Variants in TOM1L1 observed in about 807,000 individuals in gnomAD.
The protein encoded by TOM1L1 is target of myb1 like 1 membrane trafficking protein.
In TOM1L1, 64 loss-of-function variants were observed where a neutral mutation model predicts 63.4. The observed-to-expected ratio is 1.01, with a 90% CI of 0.83 to 1.24. The LOEUF (loss-of-function observed/expected upper bound fraction) is 1.24. TOM1L1 is among the 50% of genes most tolerant of loss of function. The probability of loss-of-function intolerance (pLI) is 0.00; values close to 1 mark genes in which losing one functional copy is unlikely to be tolerated. For synonymous variants in TOM1L1, 166 were observed against 194.4 expected, an observed-to-expected ratio of 0.85 and a Z score of 1.22; for missense variants, 536 against 567.0, an observed-to-expected ratio of 0.95 and a Z score of 0.55.
Position 54,928,122 on chromosome 17 carries a change from G to T in TOM1L1, c.721-1951G>T, listed in dbSNP as rs192812168. Among the ~76,000 whole-genome samples the T allele has an allele frequency of 1.9e-4, 29 of 152,172 alleles. No individual in the cohort carries two copies. In the East Asian group the frequency reaches 5.2e-3, roughly 27 times the overall value. ...GGAAAAGTTCTCATTCATTACGGGG[G>T]TTATATTAAATGCCATTCTTAATTC... On this transcript the variant is annotated intron_variant, in intron 7 of 15. Coordinates refer to ENST00000575882, the MANE Select transcript of TOM1L1 (RefSeq NM_005486.3).
At chr17:54,959,751 G>C (rs2077064396) in intron 14 of TOM1L1, among the ~76,000 whole-genome samples, 1 of 151,656 alleles carries the variant, frequency 6.6e-6, no homozygotes, top group Non-Finnish European at 1.5e-5. Flanking sequence ...CTGAGTACCT[G>C]GGACTACAGG....
chr17:54,939,752 G>T (rs905454121), intron 11 of TOM1L1, among the ~76,000 whole-genome samples: 1 of 152,020 alleles, frequency 6.6e-6, no homozygotes, highest in Non-Finnish European at 1.5e-5. Context: ...TTGTAGAGAT[G>T]GGGTCTCGCT....
At chr17:54,907,244 A>G (rs1170331459) in intron 3 of TOM1L1, among the ~76,000 whole-genome samples, 3 of 150,610 alleles carry the variant, frequency 2.0e-5, no homozygotes, top group Non-Finnish European at 2.9e-5. Context: ...GCACTTCTGT[A>G]GAAATCCCAG....
intron 7 of TOM1L1, among the ~76,000 whole-genome samples, chr17:54,919,985 GATTT>G (rs377199384): frequency 6.6e-5 from 10 of 150,962 alleles, no homozygotes; most frequent in South Asian, 2.1e-4. Context: ...GTTTTTTATT[GATTT>G]ATTTATTTAT....
At chr17:54,910,134 T>C (rs930919558) in intron 3 of TOM1L1, among the ~76,000 whole-genome samples, 8 of 152,186 alleles carry the variant, frequency 5.3e-5, no homozygotes, top group African/African-American at 1.9e-4. Flanking sequence ...CCCATTATCA[T>C]AAAATCTTGT....
At chr17:54,907,865 G>A (rs896347432) in intron 3 of TOM1L1, among the ~76,000 whole-genome samples, 6 of 152,086 alleles carry the variant, frequency 3.9e-5, no homozygotes, top group Non-Finnish European at 7.4e-5. Context: ...ACAATTTGCC[G>A]CTTTCTCCAT....
At chr17:54,961,025 A>G (rs2144116030) in intron 15 of TOM1L1, 1 of 583,024 alleles carries the variant, frequency 1.7e-6, no homozygotes, top group South Asian at 2.1e-5. Context: ...AGCACTACTA[A>G]TCCCATGTAT....
Position 54,947,304 on chromosome 17 carries a change from T to C in TOM1L1, c.1174T>C (p.Tyr392His), listed in dbSNP as rs544602385. 1 of 1,614,190 alleles carries C rather than the reference T, an allele frequency of 6.2e-7. No individual in the cohort carries two copies. Among genetic ancestry groups the C allele is most frequent in the African/African-American group, 1.3e-5 (1 of 75,056 alleles). ...CCAAAACCTCACCTCAAGCCACGCA[T>C]ATGATAATGTAAGTAACAAAACTCT... ...TSQNLTSSHA[Y>H]DNFLEHSNSV... Residue 392 changes from tyrosine (Y) to histidine (H), a missense_variant, in exon 12 of 16, where the codon TAT (tyrosine) becomes CAT (histidine). Tyr to His is a moderately conservative substitution (Grantham distance 83, BLOSUM62 2). Coordinates refer to ENST00000575882, the MANE Select transcript of TOM1L1 (RefSeq NM_005486.3).
intron 11 of TOM1L1, chr17:54,942,451 TAAG>T (rs888109296): frequency 1.3e-5 from 2 of 152,110 alleles, no homozygotes; most frequent in African/African-American, 4.8e-5. Context: ...GGCAACAAGC[TAAG>T]AAGTATAGAA....
intron 7 of TOM1L1, among the ~76,000 whole-genome samples, chr17:54,919,814 C>T (rs2048651972): frequency 6.6e-6 from 1 of 151,272 alleles, no homozygotes; most frequent in Admixed American, 6.6e-5. Flanking sequence ...TTTTTTTTTA[C>T]ATCTAAATAA....
In TOM1L1 at chr17:54,961,873, T is replaced by TA; in HGVS notation, c.*642dup. ...CTTTTTTTCTCTTTTTACTGCAACT[T>TA]AATATTTCTATTTAGAACACAGAAA... On this transcript the variant is annotated 3_prime_UTR_variant, in exon 16 of 16. Transcript: ENST00000575882. The TA allele has an allele frequency of 1.1e-6, 1 of 930,614 alleles. No homozygotes were observed. The highest frequency in any genetic ancestry group is 5.5e-4 in the Middle Eastern group (1 of 1,814). 57.6% of individuals were successfully genotyped at this position (930,614 alleles called of 1,614,324 possible).
chr17:54,942,351 T>C (rs7503269), intron 11 of TOM1L1: 86,768 of 151,268 alleles, frequency 0.57, 25,699 homozygotes, highest in African/African-American at 0.68. Flanking sequence ...TACGGTGATC[T>C]GCCCACCTCG....
intron 8 of TOM1L1, among the ~76,000 whole-genome samples, chr17:54,932,071 C>G (rs1257739051): frequency 6.6e-6 from 1 of 151,802 alleles, no homozygotes; most frequent in Non-Finnish European, 1.5e-5. Context: ...TCTCCTGCCT[C>G]AGCCTGTAGC....
chr17:54,941,141 A>G (rs1047133637), intron 11 of TOM1L1, among the ~76,000 whole-genome samples: 1 of 152,180 alleles, frequency 6.6e-6, no homozygotes, highest in African/African-American at 2.4e-5. Context: ...CCGTTATTCA[A>G]TAAAATGCAG....
At position 54,912,686 on chromosome 17, in the gene TOM1L1, G is replaced by C; in HGVS notation, c.243G>C (p.Gln81His). ...LTLSLIDMCV[Q>H]NCGPSFQSLI... ...TTTAGCTTATTGACATGTGTGTGCA[G>C]AACTGTGGTCCAAGTTTCCAGTCTC... Residue 81 changes from glutamine (Q) to histidine (H), a missense_variant, in exon 4 of 16, where the codon CAG becomes CAC. Transcript: ENST00000575882. 1 of 1,601,684 alleles carries C rather than the reference G, an allele frequency of 6.2e-7. No individual in the cohort carries two copies. The highest frequency in any genetic ancestry group is 8.5e-7 in the Non-Finnish European group (1 of 1,176,084).
chr17:54,922,996 A>C (rs985080464), intron 7 of TOM1L1, among the ~76,000 whole-genome samples: 8 of 152,238 alleles, frequency 5.3e-5, no homozygotes, highest in African/African-American at 1.9e-4. Flanking sequence ...AGGTGGAATC[A>C]CATAATATAT....
intron 10 of TOM1L1, chr17:54,937,696 A>C (rs1416151597): frequency 1.3e-5 from 2 of 152,824 alleles, no homozygotes; most frequent in African/African-American, 4.8e-5. Context: ...CCAAGTTGAA[A>C]TGCCAGTTCT....
intron 3 of TOM1L1, among the ~76,000 whole-genome samples, chr17:54,908,647 A>G (rs2048449696): frequency 6.6e-6 from 1 of 152,164 alleles, no homozygotes; most frequent in Admixed American, 6.5e-5. Context: ...TGACTGTACT[A>G]TGATTTCCTA....
intron 11 of TOM1L1, 81 bp downstream of exon 11, chr17:54,939,101 C>T (rs1188579253): frequency 1.2e-5 from 11 of 956,262 alleles, no homozygotes; most frequent in Admixed American, 4.3e-5. Context: ...TGGCTGGGCG[C>T]AGTGACTTAC....
Sources: allele counts gnomAD v4.1 joint callset (sites outside exome capture counted in the v4.1 genomes callset), GRCh38; gene constraint gnomAD v4.1.1; transcripts MANE v1.5; gene names NCBI Gene and HGNC (gene_info 2026-07-23, HGNC 2026-07-21).